The following UIMC1 variants were observed in gnomAD, a reference collection of about 807,000 sequenced individuals.
The protein encoded by UIMC1 is ubiquitin interaction motif containing 1.
UIMC1 carries 42 observed loss-of-function variants against 84.9 expected under a neutral mutation model. The ratio of observed to expected loss-of-function variants is 0.49; its 90% CI spans 0.39 to 0.64. UIMC1 has a LOEUF of 0.64. UIMC1 is among the 30% of genes least tolerant of loss of function. The pLI is 0.00. For missense variants in UIMC1, 825 were observed against 847.6 expected (o/e 0.97, Z 0.33); for synonymous variants, 281 against 293.0 (o/e 0.96, Z 0.42).
At chr5:176,992,079 C>T (rs993343686) in intron 1 of UIMC1, among the ~76,000 whole-genome samples, 4 of 151,888 alleles carry the variant, frequency 2.6e-5, no homozygotes, top group East Asian at 1.9e-4. Flanking sequence ...GCCATGATGG[C>T]GCCACTGCAC....
intron 10 of UIMC1, among the ~76,000 whole-genome samples, chr5:176,942,067 A>C (rs62398664): frequency 0.13 from 20,052 of 151,894 alleles, 1,674 homozygotes; most frequent in East Asian, 0.19. Flanking sequence ...CTGGTCTCGA[A>C]CTCCTGACCT....
chr5:176,933,593 C>G (rs1239297150), intron 10 of UIMC1, among the ~76,000 whole-genome samples: 1 of 151,144 alleles, frequency 6.6e-6, no homozygotes, highest in East Asian at 1.9e-4. Context: ...TGGAGTGGTG[C>G]AATCACAATC....
chr5:176,968,727 C>T lies in UIMC1; in HGVS notation c.1028G>A (p.Ser343Asn), dbSNP rs376060234. 6.8e-6 allele frequency: 11 copies of T among 1,614,186 alleles called. No individual in the cohort carries two copies. The highest frequency in any genetic ancestry group is 5.9e-6 in the Non-Finnish European group (7 of 1,180,038). ...QNECGQGEQASEKNECISEDM... is the reference protein window; with the variant it reads ...QNECGQGEQANEKNECISEDM... ...TTCTGAGATGCATTCATTTTTCTCACTAGCCTGCTCTCCTTGGCCACATTC... is the reference window on the plus strand; with the variant it reads ...TTCTGAGATGCATTCATTTTTCTCATTAGCCTGCTCTCCTTGGCCACATTC... The change falls in exon 6 of 15, where the codon AGT becomes AAT. Residue 343 changes from serine to asparagine, a missense_variant. By Grantham distance (46) the Ser-to-Asn change is conservative. Coordinates refer to ENST00000511320, the MANE Select transcript of UIMC1 (RefSeq NM_001199298.2).
At chr5:176,952,232 C>G (rs1765979139) in intron 8 of UIMC1, among the ~76,000 whole-genome samples, 1 of 152,106 alleles carries the variant, frequency 6.6e-6, no homozygotes, top group African/African-American at 2.4e-5. Context: ...AATGTTAGTG[C>G]TGAGGTTAAA....
At chr5:176,924,329 A>AAT (rs1554109731) in intron 10 of UIMC1, among the ~76,000 whole-genome samples, 1 of 151,532 alleles carries the variant, frequency 6.6e-6, no homozygotes, top group African/African-American at 2.4e-5. Flanking sequence ...AAAAAAAAAA[A>AAT]AATAATAAAA....
chr5:176,985,114 G>A (rs1229267007), intron 1 of UIMC1, among the ~76,000 whole-genome samples: 1 of 151,738 alleles, frequency 6.6e-6, no homozygotes, highest in Non-Finnish European at 1.5e-5. Flanking sequence ...AAATATAGAG[G>A]AATTTTTTTT....
At chr5:176,983,308 C>G (rs1048747459) in intron 1 of UIMC1, among the ~76,000 whole-genome samples, 2 of 151,544 alleles carry the variant, frequency 1.3e-5, no homozygotes, top group Non-Finnish European at 2.9e-5. Flanking sequence ...GATCTTGGCT[C>G]GCTGCAACCT....
At position 176,951,467 on chromosome 5, in the gene UIMC1, T is replaced by C. The variant is rs774839021; in HGVS notation, c.1443+7A>G. 6.6e-7 allele frequency: 1 copy of C among 1,508,636 alleles called. No homozygotes were observed. The highest frequency in any genetic ancestry group is 8.8e-7 in the Non-Finnish European group (1 of 1,130,360). The allele number at this position is 1,508,636 out of a possible 1,614,324, so 93.5% of individuals were successfully genotyped here. On this transcript the variant is annotated splice_region_variant and intron_variant, in intron 9 of 14. Coordinates refer to ENST00000511320, the MANE Select transcript of UIMC1 (RefSeq NM_001199298.2). The stretch of plus-strand genomic sequence containing the variant: ...CACTGAGAAAAAATATAGAGGAAAA[T>C]ATTCACCTCCTTATCTGCCATTATT...
chr5:176,929,052 G>A (rs1272586928), intron 10 of UIMC1, among the ~76,000 whole-genome samples: 1 of 151,722 alleles, frequency 6.6e-6, no homozygotes, highest in African/African-American at 2.4e-5. Flanking sequence ...AGGAGTTTGA[G>A]ACCAGCCTGG....
Position 177,014,108 on chromosome 5 carries a change from T to A in UIMC1, c.-9+8356A>T, listed in dbSNP as rs1036570783. 2.0e-4 allele frequency among the ~76,000 whole-genome samples: 30 copies of A among 149,936 alleles called. 1 individual carries two copies. Among genetic ancestry groups the A allele is most frequent in the African/African-American group, 7.4e-4 (30 of 40,602 alleles). The stretch of plus-strand genomic sequence containing the variant: ...AGAGTTTCGCTCTTGTTGCCCAAGT[T>A]AGAGTGCAATCTCAGCTCACTGCAA... On this transcript the variant is annotated intron_variant, in intron 1 of 5. Coordinates refer to the UIMC1 transcript ENST00000509236.
intron 2 of UIMC1, among the ~76,000 whole-genome samples, chr5:176,981,863 G>C (rs1213027096): frequency 2.0e-5 from 3 of 152,116 alleles, no homozygotes; most frequent in Non-Finnish European, 4.4e-5. Flanking sequence ...CTGCCTTTGA[G>C]ATGAGACCTG....
chr5:176,934,624 T>C (rs1412007242), intron 10 of UIMC1, among the ~76,000 whole-genome samples: 4 of 152,246 alleles, frequency 2.6e-5, no homozygotes, highest in Non-Finnish European at 5.9e-5. Context: ...TTTTCTGTTA[T>C]TGTGACTTAC....
chr5:176,982,479 C>T lies in UIMC1; in HGVS notation c.137G>A (p.Ser46Asn). ...CTCTACTTCACTAACCTCTCCATCA[C>T]TATCGGATATCACAATGAATGCATC... is the stretch of plus-strand genomic sequence containing the variant. The part of the protein sequence containing the change: ...LEDAFIVISD[S>N]DGEEPKEENG... The change falls in exon 2 of 15, where the codon AGT becomes AAT. Residue 46 changes from serine to asparagine, a missense_variant. By Grantham distance (46) the Ser-to-Asn change is conservative (BLOSUM62 1). Coordinates refer to ENST00000511320, the MANE Select transcript of UIMC1 (RefSeq NM_001199298.2). The T allele has an allele frequency of 6.2e-7, 1 of 1,613,616 alleles. No homozygotes were observed. The highest frequency in any genetic ancestry group is 1.3e-5 in the African/African-American group (1 of 75,008).
intron 10 of UIMC1, among the ~76,000 whole-genome samples, chr5:176,920,786 A>G (rs959084668): frequency 2.0e-5 from 3 of 152,192 alleles, no homozygotes; most frequent in Non-Finnish European, 4.4e-5. Flanking sequence ...CTCTTTCCTA[A>G]CTGTCCTGGC....
At chr5:176,989,579 C>T (rs369691228) in intron 1 of UIMC1, among the ~76,000 whole-genome samples, 52 of 151,876 alleles carry the variant, frequency 3.4e-4, no homozygotes, top group African/African-American at 1.2e-3. Context: ...ATTGCTTGAA[C>T]CCAGGAGATG....
intron 1 of UIMC1, among the ~76,000 whole-genome samples, chr5:177,011,968 T>C (rs1409447112): frequency 2.6e-5 from 4 of 151,968 alleles, no homozygotes; most frequent in Non-Finnish European, 5.9e-5. Context: ...GCCCAGCTAA[T>C]TTTTTGTATT....
intron 10 of UIMC1, among the ~76,000 whole-genome samples, chr5:176,921,241 G>A (rs775182576): frequency 6.6e-6 from 1 of 152,180 alleles, no homozygotes; most frequent in Admixed American, 6.5e-5. Context: ...TTGCCCACAC[G>A]GCTATCTAAG....
intron 10 of UIMC1, among the ~76,000 whole-genome samples, chr5:176,927,631 T>C (rs1425845524): frequency 6.6e-6 from 1 of 152,140 alleles, no homozygotes; most frequent in East Asian, 1.9e-4. Context: ...AATACATAAA[T>C]GTATGGATGA....
chr5:176,950,702 T>G (rs1765767150), intron 9 of UIMC1, among the ~76,000 whole-genome samples: 1 of 151,746 alleles, frequency 6.6e-6, no homozygotes, highest in Admixed American at 6.6e-5. Flanking sequence ...AAACCCCGTC[T>G]CTACTAAAAA....
Sources: gnomAD v4.1 joint callset for allele counts (sites outside exome capture counted in the v4.1 genomes callset) on GRCh38, gnomAD v4.1.1 for gene constraint, MANE v1.5 for transcripts, NCBI Gene and HGNC (gene_info 2026-07-23, HGNC 2026-07-21) for gene names.